The following CDH8 variants were observed in gnomAD, a reference collection of about 807,000 sequenced individuals.
CDH8 encodes cadherin-8.
In CDH8, 17 loss-of-function variants were observed where a neutral mutation model predicts 68.1. The ratio of observed to expected loss-of-function variants is 0.25; its 90% CI spans 0.17 to 0.37. The LOEUF (loss-of-function observed/expected upper bound fraction) is 0.37. Among genes scored for constraint, CDH8 ranks in the 10% least tolerant of loss-of-function variants. The pLI, the probability that CDH8 is intolerant of heterozygous loss-of-function variation, is 1.00. For synonymous variants in CDH8, 372 were observed against 365.1 expected (o/e 1.02, Z -0.21); for missense variants, 763 against 999.3 (o/e 0.76, Z 3.19).
chr16:61,791,908 G>A (rs562691035), intron 7 of CDH8, among the ~76,000 whole-genome samples: 1 of 152,028 alleles, frequency 6.6e-6, no homozygotes, highest in Non-Finnish European at 1.5e-5. Context: ...CAATTTATTT[G>A]CTGGTGAAAT....
intron 2 of CDH8, among the ~76,000 whole-genome samples, chr16:61,974,098 A>G (rs1567552424): frequency 6.6e-6 from 1 of 152,252 alleles, no homozygotes; most frequent in East Asian, 1.9e-4. Flanking sequence ...CAATGCATCT[A>G]GAAATGGGTC....
chr16:61,764,044 T>G lies in CDH8; in HGVS notation c.1414+25302A>C, dbSNP rs181349451. Among the ~76,000 whole-genome samples the G allele has an allele frequency of 3.9e-5, 6 of 152,264 alleles. No homozygotes were observed. In the East Asian group the frequency reaches 9.7e-4, roughly 24 times the overall value. On this transcript the variant is annotated intron_variant, in intron 8 of 11. Coordinates refer to ENST00000577390, the MANE Select transcript of CDH8 (RefSeq NM_001796.5). ...TACATATGAATCGAATGAATTAATA[T>G]GTCTACTAAAATTACTTGACAATTG... is the stretch of plus-strand genomic sequence containing the variant.
chr16:61,948,842 G>A (rs535584118), intron 2 of CDH8, among the ~76,000 whole-genome samples: 15 of 152,144 alleles, frequency 9.9e-5, no homozygotes, highest in Non-Finnish European at 1.6e-4. Flanking sequence ...CTTTCGAATC[G>A]CATAACCCAT....
intron 5 of CDH8, among the ~76,000 whole-genome samples, chr16:61,822,592 C>T (rs1962242021): frequency 6.6e-6 from 1 of 151,766 alleles, no homozygotes; most frequent in South Asian, 2.1e-4. Context: ...GGGATAAAAA[C>T]ATCTCTCTTA....
intron 2 of CDH8, among the ~76,000 whole-genome samples, chr16:61,908,710 A>C (rs1271543830): frequency 6.6e-6 from 1 of 152,144 alleles, no homozygotes; most frequent in Non-Finnish European, 1.5e-5. Flanking sequence ...TGCACCACAT[A>C]ATTGGGAAAA....
chr16:61,782,946 T>A (rs530420897), intron 8 of CDH8, among the ~76,000 whole-genome samples: 2 of 151,586 alleles, frequency 1.3e-5, no homozygotes, highest in East Asian at 3.9e-4. Context: ...TACATCACCA[T>A]CATCAAAGAC....
intron 2 of CDH8, among the ~76,000 whole-genome samples, chr16:62,015,220 ATGTG>A (rs1250052766): frequency 1.5e-4 from 23 of 152,184 alleles, no homozygotes; most frequent in Admixed American, 6.5e-5. Context: ...CCCTCAGGCT[ATGTG>A]TGTAAGGTAA....
At chr16:61,852,864 T>TCCTC (rs1166785378) in intron 4 of CDH8, among the ~76,000 whole-genome samples, 2 of 135,286 alleles carry the variant, frequency 1.5e-5, no homozygotes, top group African/African-American at 6.1e-5. Context: ...CTTCCTTCCT[T>TCCTC]CCTTCCTTCC....
At chr16:61,894,823 A>G (rs1375827750) in intron 3 of CDH8, among the ~76,000 whole-genome samples, 1 of 152,102 alleles carries the variant, frequency 6.6e-6, no homozygotes, top group East Asian at 1.9e-4. Flanking sequence ...CAGTGAAACC[A>G]CTTTGGAAAA....
chr16:61,768,343 T>C (rs1022598172), intron 8 of CDH8, among the ~76,000 whole-genome samples: 13 of 107,052 alleles, frequency 1.2e-4, no homozygotes, highest in African/African-American at 5.2e-4. Context: ...TCTCTCTCTC[T>C]CTCTCTCTCT....
intron 2 of CDH8, among the ~76,000 whole-genome samples, chr16:61,948,296 T>G (rs776665341): frequency 6.6e-6 from 1 of 152,186 alleles, no homozygotes; most frequent in Non-Finnish European, 1.5e-5. Flanking sequence ...TTGTCGGGTA[T>G]ATTTTAAAAA....
At chr16:61,878,978 C>G (rs1357719405) in intron 3 of CDH8, among the ~76,000 whole-genome samples, 1 of 152,156 alleles carries the variant, frequency 6.6e-6, no homozygotes. Flanking sequence ...TAAGCTATTA[C>G]TTGAAGATTT....
At chr16:61,906,550 T>A (rs367782675) in intron 2 of CDH8, among the ~76,000 whole-genome samples, 1 of 152,214 alleles carries the variant, frequency 6.6e-6, no homozygotes, top group Non-Finnish European at 1.5e-5. Context: ...TCATCTTCCA[T>A]ATATTTGCCT....
intron 8 of CDH8, among the ~76,000 whole-genome samples, chr16:61,753,622 C>T (rs1246339151): frequency 6.6e-6 from 1 of 151,902 alleles, no homozygotes; most frequent in African/African-American, 2.4e-5. Flanking sequence ...ATAAAGAGGC[C>T]CTTAGAGGAT....
At chr16:61,871,303 C>A (rs1963356967) in intron 3 of CDH8, among the ~76,000 whole-genome samples, 1 of 151,870 alleles carries the variant, frequency 6.6e-6, no homozygotes, top group African/African-American at 2.4e-5. Flanking sequence ...ACCTCAGCCT[C>A]CCAAGTAGCT....
chr16:61,678,109 T>C (rs182732286), intron 10 of CDH8, among the ~76,000 whole-genome samples: 19 of 152,108 alleles, frequency 1.2e-4, no homozygotes, highest in Non-Finnish European at 1.5e-4. Flanking sequence ...AATCTACCTA[T>C]AACCTGGAAT....
chr16:61,988,696 T>C (rs187243531), intron 2 of CDH8, among the ~76,000 whole-genome samples: 1 of 152,306 alleles, frequency 6.6e-6, no homozygotes, highest in East Asian at 1.9e-4. Context: ...GTTTACTATG[T>C]TTGTTATAAC....
chr16:62,031,418 G>T (rs528150013), intron 1 of CDH8, among the ~76,000 whole-genome samples: 2 of 152,186 alleles, frequency 1.3e-5, no homozygotes, highest in African/African-American at 4.8e-5. Flanking sequence ...ATGAAAATAT[G>T]CTAGTGTAGG....
At chr16:61,935,197 C>T (rs918349260) in intron 2 of CDH8, among the ~76,000 whole-genome samples, 2 of 152,146 alleles carry the variant, frequency 1.3e-5, no homozygotes, top group African/African-American at 2.4e-5. Context: ...CTGCTTTAAA[C>T]GAGCCTGATA....
Sources: allele counts gnomAD v4.1 joint callset (sites outside exome capture counted in the v4.1 genomes callset), GRCh38; gene constraint gnomAD v4.1.1; transcripts MANE v1.5; gene names NCBI Gene and HGNC (gene_info 2026-07-23, HGNC 2026-07-21).